Variants in HBM observed in about 807,000 individuals in gnomAD.
The protein encoded by HBM is alpha globin pseudogene 2.
Under a neutral mutation model 12.8 loss-of-function variants are expected in HBM, and 9 were observed. The ratio of observed to expected loss-of-function variants is 0.70; its 90% CI spans 0.42 to 1.23. HBM has a LOEUF of 1.23. HBM is among the 50% of genes most tolerant of loss of function. The probability of loss-of-function intolerance (pLI) is 0.00; values close to 1 mark genes in which losing one functional copy is unlikely to be tolerated. For missense variants in HBM, 214 were observed against 195.4 expected, an observed-to-expected ratio of 1.10 and a Z score of -0.57; for synonymous variants, 100 against 92.0, an observed-to-expected ratio of 1.09 and a Z score of -0.50.
Position 166,268 on chromosome 16 carries a change from G to A in HBM, c.93G>A (p.Arg31=). 1.3e-6 allele frequency: 2 copies of A among 1,591,932 alleles called. No individual in the cohort carries two copies. The highest frequency in any genetic ancestry group is 1.7e-6 in the Non-Finnish European group (2 of 1,176,884). ...CCCGGTCACTGACCTGGTCCTGCAGGCTCTTCACGGTGTACCCCAGCACCA... is the reference window on the plus strand; with the variant it reads ...CCCGGTCACTGACCTGGTCCTGCAGACTCTTCACGGTGTACCCCAGCACCA... The part of the protein sequence containing the change: ...EAQFGAELLL[R]LFTVYPSTKV... Residue 31 remains arginine (R), a splice_region_variant and synonymous_variant, in exon 2 of 3, where the codon AGG becomes AGA. Coordinates refer to ENST00000356815, the MANE Select transcript of HBM (RefSeq NM_001003938.4).
Position 166,341 on chromosome 16 carries a change from C to T in HBM, c.166C>T (p.Leu56=). Residue 56 remains leucine, a synonymous_variant, in exon 2 of 3, where the codon CTG becomes TTG. Coordinates refer to ENST00000356815, the MANE Select transcript of HBM (RefSeq NM_001003938.4). ...LSACQDATQL[L]SHGQRMLAAV... is the part of the protein sequence containing the mutation. Reference sequence around the variant, plus strand: ...CGCCTGCCAGGACGCGACGCAGCTGCTGAGCCACGGGCAGCGCATGCTGGC... The same window carrying T: ...CGCCTGCCAGGACGCGACGCAGCTGTTGAGCCACGGGCAGCGCATGCTGGC... The T allele has an allele frequency of 1.9e-6, 3 of 1,594,634 alleles. No individual in the cohort carries two copies. The highest frequency in any genetic ancestry group is 2.5e-6 in the Non-Finnish European group (3 of 1,178,384).
chr16:166,716 G>A lies in HBM; in HGVS notation c.*8G>A, dbSNP rs780101537. The A allele has an allele frequency of 3.7e-6, 6 of 1,613,748 alleles. No homozygotes were observed. The South Asian group carries it at 5.5e-5, about 15-fold the overall frequency. ...ACCGAAAAATACCGCTGAGCCCTGT[G>A]CTGCGCAGGCCTTGGTCTGTGCCTG... On this transcript the variant is annotated 3_prime_UTR_variant, in exon 3 of 3. Coordinates refer to ENST00000356815, the MANE Select transcript of HBM (RefSeq NM_001003938.4).
chr16:165,984 C>G lies in HBM; in HGVS notation c.-14C>G. 1 of 1,561,584 alleles carries G rather than the reference C, an allele frequency of 6.4e-7. No homozygotes were observed. ...GGCGGCGGGCGCGGCCCCCAGAGCA[C>G]GTCAGGCGGCGCCATGCTCAGCGCC... On this transcript the variant is annotated 5_prime_UTR_variant, in exon 1 of 3. Transcript: ENST00000356815.
In HBM at chr16:166,191, C is replaced by CA. The variant is rs1555448804; in HGVS notation, c.93-77_93-76insA. On this transcript the variant is annotated intron_variant, in intron 1 of 2. Coordinates refer to ENST00000356815, the MANE Select transcript of HBM (RefSeq NM_001003938.4). ...CCAAGGTCCTTCGGGTGCGGATCCC[C>CA]GGGCTCTGGGCGGTGTGGGCGCTAG... is the stretch of plus-strand genomic sequence containing the variant. 46 of 1,454,770 alleles carry CA rather than the reference C, an allele frequency of 3.2e-5. 1 individual carries two copies. Among genetic ancestry groups the CA allele is most frequent in the Middle Eastern group, 1.7e-4 (1 of 5,798 alleles). 90.1% of individuals were successfully genotyped at this position (1,454,770 alleles called of 1,614,324 possible).
rs750993297 is a variant in HBM at position 166,350 on chromosome 16, G to C, written c.175G>C (p.Gly59Arg). The change falls in exon 2 of 3, where the codon GGG becomes CGG. Residue 59 changes from glycine to arginine, a missense_variant. By Grantham distance (125) the Gly-to-Arg change is moderately radical (BLOSUM62 -2). Transcript: ENST00000356815. ...GGACGCGACGCAGCTGCTGAGCCACGGGCAGCGCATGCTGGCGGCTGTGGG... is the reference window on the plus strand; with the variant it reads ...GGACGCGACGCAGCTGCTGAGCCACCGGCAGCGCATGCTGGCGGCTGTGGG... The part of the protein sequence containing the change: ...CQDATQLLSH[G>R]QRMLAAVGAA... 8.8e-6 allele frequency: 14 copies of C among 1,592,890 alleles called. 1 individual carries two copies. The highest frequency in any genetic ancestry group is 4.5e-5 in the East Asian group (2 of 44,420).
In HBM at chr16:166,087, C is replaced by T; in HGVS notation, c.90C>T (p.Leu30=). 3 of 1,601,092 alleles carry T rather than the reference C, an allele frequency of 1.9e-6. No homozygotes were observed. Among genetic ancestry groups the T allele is most frequent in the Non-Finnish European group, 1.7e-6 (2 of 1,173,836 alleles). Residue 30 remains leucine (L), a splice_region_variant and synonymous_variant, in exon 1 of 3, where the codon CTC becomes CTT. Coordinates refer to ENST00000356815, the MANE Select transcript of HBM (RefSeq NM_001003938.4). The part of the protein sequence containing the change: ...HEAQFGAELL[L]RLFTVYPSTK... ...CGCAATTCGGGGCGGAGCTGCTGCT[C>T]AGGTCGGTAGAGGCGGGGTCTCCGG...
chr16:166,053 G>A lies in HBM; in HGVS notation c.56G>A (p.Gly19Asp), dbSNP rs1485843157. ...QIAQVWDLIA[G>D]HEAQFGAELL... ...GCGCAGGTCTGGGACCTGATTGCGG[G>A]CCACGAGGCGCAATTCGGGGCGGAG... The change falls in exon 1 of 3, where the codon GGC (glycine) becomes GAC (aspartate). Residue 19 changes from glycine (G) to aspartate (D), a missense_variant. Gly to Asp is a moderately conservative substitution (Grantham distance 94, BLOSUM62 -1). Coordinates refer to ENST00000356815, the MANE Select transcript of HBM (RefSeq NM_001003938.4). 2.5e-6 allele frequency: 4 copies of A among 1,602,800 alleles called. No individual in the cohort carries two copies. Among genetic ancestry groups the A allele is most frequent in the Non-Finnish European group, 3.4e-6 (4 of 1,176,248 alleles).
rs1409933523 is a variant in HBM, at chr16:166,622, C to A, written c.340C>A (p.Gln114Lys). 6.2e-7 allele frequency: 1 copy of A among 1,614,044 alleles called. No individual in the cohort carries two copies. ...CFHVVLASHL[Q>K]DEFTVQMQAA... ...CCACGTCGTGCTGGCCTCCCACCTG[C>A]AGGACGAGTTCACCGTGCAAATGCA... Residue 114 changes from glutamine to lysine, a missense_variant, in exon 3 of 3, where the codon CAG becomes AAG. Physicochemically the swap from Gln to Lys is moderately conservative, Grantham distance 53 (BLOSUM62 1). Transcript: ENST00000356815.
chr16:166,252 T>C lies in HBM; in HGVS notation c.93-16T>C, dbSNP rs1344412175. 1.3e-6 allele frequency: 2 copies of C among 1,584,620 alleles called. No individual in the cohort carries two copies. Among genetic ancestry groups the C allele is most frequent in the Middle Eastern group, 1.7e-4 (1 of 6,008 alleles). ...CGCAGCCGCCCTCCTCCCCGGTCAC[T>C]GACCTGGTCCTGCAGGCTCTTCACG... On this transcript the variant is annotated splice_polypyrimidine_tract_variant and intron_variant, in intron 1 of 2. Transcript: ENST00000356815.
rs371375579 is a variant in HBM at position 166,094 on chromosome 16, G to A, written c.92+5G>A. 6.3e-7 allele frequency: 1 copy of A among 1,595,782 alleles called. No individual in the cohort carries two copies. The highest frequency in any genetic ancestry group is 8.5e-7 in the Non-Finnish European group (1 of 1,170,048). On this transcript the variant is annotated splice_donor_5th_base_variant and intron_variant, in intron 1 of 2. Coordinates refer to ENST00000356815, the MANE Select transcript of HBM (RefSeq NM_001003938.4). ...CGGGGCGGAGCTGCTGCTCAGGTCG[G>A]TAGAGGCGGGGTCTCCGGGAGCTCA...
Position 166,583 on chromosome 16 carries a change from C to T in HBM, c.301C>T (p.Leu101=), listed in dbSNP as rs765800320. Residue 101 remains leucine, a synonymous_variant, in exon 3 of 3, where the codon CTA becomes TTA. Transcript: ENST00000356815. ...LRVDPANFPL[L]IQCFHVVLAS... is the part of the protein sequence containing the mutation. ...TCACCGGCCCCTTCTCCTGCAGCTGCTAATCCAGTGTTTCCACGTCGTGCT... is the reference window on the plus strand; with the variant it reads ...TCACCGGCCCCTTCTCCTGCAGCTGTTAATCCAGTGTTTCCACGTCGTGCT... The T allele has an allele frequency of 1.9e-6, 3 of 1,613,320 alleles. No individual in the cohort carries two copies. The African/African-American group carries it at 4.0e-5, about 22-fold the overall frequency.
chr16:166,030 G>GC lies in HBM; in HGVS notation c.34dup (p.Gln12ProfsTer?). The stretch of plus-strand genomic sequence containing the variant: ...GCGCCCAGGAGCGCGCCCAAATCGC[G>GC]CAGGTCTGGGACCTGATTGCGGGCC... On this transcript the variant is annotated frameshift_variant, in exon 1 of 3. Coordinates refer to ENST00000356815, the MANE Select transcript of HBM (RefSeq NM_001003938.4). LOFTEE classifies it high-confidence loss of function. The GC allele has an allele frequency of 6.3e-7, 1 of 1,599,150 alleles. No individual in the cohort carries two copies. Among genetic ancestry groups the GC allele is most frequent in the Non-Finnish European group, 8.5e-7 (1 of 1,176,358 alleles).
Position 166,592 on chromosome 16 carries a change from T to G in HBM, c.310T>G (p.Cys104Gly). The G allele has an allele frequency of 6.2e-7, 1 of 1,613,688 alleles. No homozygotes were observed. The highest frequency in any genetic ancestry group is 8.5e-7 in the Non-Finnish European group (1 of 1,179,852). Residue 104 changes from cysteine (C) to glycine (G), a missense_variant, in exon 3 of 3, where the codon TGT becomes GGT. Physicochemically the swap from Cys to Gly is radical, Grantham distance 159 (BLOSUM62 -3). Coordinates refer to ENST00000356815, the MANE Select transcript of HBM (RefSeq NM_001003938.4). ...CCTTCTCCTGCAGCTGCTAATCCAG[T>G]GTTTCCACGTCGTGCTGGCCTCCCA... ...DPANFPLLIQ[C>G]FHVVLASHLQ...
At chr16:166,506 G>A (rs766862068) in intron 2 of HBM, 34 bp downstream of exon 2, 4 of 1,564,918 alleles carry the variant, frequency 2.6e-6, no homozygotes, top group East Asian at 4.7e-5. Context: ...ATGGTGCAGC[G>A]CGCAGCCGGG....
Position 166,445 on chromosome 16 carries a change from G to T in HBM, c.270G>T (p.Val90=). The T allele has an allele frequency of 6.5e-7, 1 of 1,548,288 alleles. No individual in the cohort carries two copies. The highest frequency in any genetic ancestry group is 2.4e-5 in the East Asian group (1 of 41,666). The part of the protein sequence containing the change: ...LSPLADLHAL[V]LRVDPANFPL... The stretch of plus-strand genomic sequence containing the variant: ...CGCTGGCGGACCTGCACGCGCTCGT[G>T]CTGCGCGTGGACCCAGCCAACTTTC... Residue 90 remains valine, a synonymous_variant, in exon 2 of 3, where the codon GTG becomes GTT. Transcript: ENST00000356815.
intron 1 of HBM, 56 bp from the exon 2 acceptor site, chr16:166,212 G>T: frequency 6.7e-7 from 1 of 1,494,640 alleles, no homozygotes; most frequent in Non-Finnish European, 9.1e-7. Flanking sequence ...CGGTGTGGGC[G>T]CTAGTGAAGC....
rs1567161562 is a variant in HBM at position 166,255 on chromosome 16, C to CCCA, written c.93-12_93-11insCAC. ...AGCCGCCCTCCTCCCCGGTCACTGACCTGGTCCTGCAGGCTCTTCACGGTG... is the reference window on the plus strand; with the variant it reads ...AGCCGCCCTCCTCCCCGGTCACTGACCCACTGGTCCTGCAGGCTCTTCACGGTG... On this transcript the variant is annotated splice_polypyrimidine_tract_variant and intron_variant, in intron 1 of 2. Transcript: ENST00000356815. 1.9e-6 allele frequency: 3 copies of CCCA among 1,586,418 alleles called. No homozygotes were observed. Among genetic ancestry groups the CCCA allele is most frequent in the Non-Finnish European group, 2.6e-6 (3 of 1,173,654 alleles).
chr16:166,250 A>ACTGAC lies in HBM; in HGVS notation c.93-14_93-10dup, dbSNP rs1271235962. On this transcript the variant is annotated splice_polypyrimidine_tract_variant and intron_variant, in intron 1 of 2. Coordinates refer to ENST00000356815, the MANE Select transcript of HBM (RefSeq NM_001003938.4). ...CACGCAGCCGCCCTCCTCCCCGGTC[A>ACTGAC]CTGACCTGGTCCTGCAGGCTCTTCA... 6.3e-6 allele frequency: 10 copies of ACTGAC among 1,582,452 alleles called. No individual in the cohort carries two copies. Among genetic ancestry groups the ACTGAC allele is most frequent in the Non-Finnish European group, 8.5e-6 (10 of 1,171,142 alleles).
chr16:166,228 G>T, intron 1 of HBM, 40 bp from the exon 2 acceptor site: 1 of 1,531,672 alleles, frequency 6.5e-7, no homozygotes, highest in Non-Finnish European at 8.8e-7. Context: ...GAAGCCCCAC[G>T]CAGCCGCCCT....
Sources: allele counts gnomAD v4.1 joint callset, GRCh38; gene constraint gnomAD v4.1.1; transcripts MANE v1.5; gene names NCBI Gene and HGNC (gene_info 2026-07-23, HGNC 2026-07-21).